CYP11A1: variants seen among roughly 807,000 people sequenced by gnomAD.
CYP11A1 encodes cytochrome P450 family 11 subfamily A member 1, also known as cholesterol side-chain cleavage enzyme, mitochondrial.
CYP11A1 carries 25 observed loss-of-function variants against 51.9 expected under a neutral mutation model. The ratio of observed to expected loss-of-function variants is 0.48; its 90% CI spans 0.35 to 0.67. CYP11A1 has a LOEUF of 0.67. CYP11A1 is among the 30% of genes least tolerant of loss of function. The pLI is 0.00. For missense variants in CYP11A1, 578 were observed against 680.9 expected (o/e 0.85, Z 1.68); for synonymous variants, 245 against 262.1 (o/e 0.93, Z 0.63).
chr15:74,364,781 A>G (rs958939819), intron 1 of CYP11A1, among the ~76,000 whole-genome samples: 57 of 152,192 alleles, frequency 3.7e-4, no homozygotes, highest in African/African-American at 1.3e-3. Context: ...CTAGAGATCT[A>G]TGTGAAGTGA....
intron 5 of CYP11A1, among the ~76,000 whole-genome samples, chr15:74,341,954 C>A (rs1164236739): frequency 2.6e-5 from 4 of 152,230 alleles, no homozygotes; most frequent in African/African-American, 4.8e-5. Flanking sequence ...TGACCTTGAA[C>A]TTCCAGCCTC....
At chr15:74,367,109 A>G in intron 1 of CYP11A1, 2 of 618,532 alleles carry the variant, frequency 3.2e-6, no homozygotes, top group Non-Finnish European at 5.6e-6. Flanking sequence ...GGTTTAGAGT[A>G]CTTAAGACAT....
At chr15:74,348,605 G>A (rs1326684044) in intron 1 of CYP11A1, among the ~76,000 whole-genome samples, 1 of 152,218 alleles carries the variant, frequency 6.6e-6, no homozygotes, top group African/African-American at 2.4e-5. Flanking sequence ...AAGAGTCAGA[G>A]GCCACCCAAC....
At chr15:74,362,253 T>C (rs568626142) in intron 1 of CYP11A1, 2 of 333,532 alleles carry the variant, frequency 6.0e-6, no homozygotes, top group Non-Finnish European at 1.1e-5. Context: ...TTATAACCAA[T>C]GCTTGATCCC....
At position 74,338,489 on chromosome 15, in the gene CYP11A1, C is replaced by T. The variant is rs185821614; in HGVS notation, c.1434+82G>A. 5.6e-3 allele frequency: 7,948 copies of T among 1,416,790 alleles called. 27 individuals carry two copies. Among genetic ancestry groups the T allele is most frequent in the Non-Finnish European group, 6.9e-3 (6,904 of 1,000,888 alleles). The allele number at this position is 1,416,790 out of a possible 1,614,324, so 87.8% of individuals were successfully genotyped here. ...AGCACTGACATCCTTGGGCTCTGGA[C>T]AGAGATAGGAGGAGGAAGATTGGTG... is the stretch of plus-strand genomic sequence containing the variant. On this transcript the variant is annotated intron_variant, in intron 8 of 8. Coordinates refer to ENST00000268053, the MANE Select transcript of CYP11A1 (RefSeq NM_000781.3).
rs528285449 is a variant in CYP11A1 at position 74,367,233 on chromosome 15, G to T, written c.269+84C>A. ...GGAGTTTGGAACCAGAGAACAGCCT[G>T]TTGGGGGAGTGGGGACTACAGCAGG... On this transcript the variant is annotated intron_variant, in intron 1 of 8. Transcript: ENST00000268053. 105 of 1,465,082 alleles carry T rather than the reference G, an allele frequency of 7.2e-5. No individual in the cohort carries two copies. In the South Asian group the frequency reaches 1.1e-3, roughly 15 times the overall value. 90.8% of individuals were successfully genotyped at this position (1,465,082 alleles called of 1,614,324 possible).
chr15:74,344,319 T>G (rs1486776364), intron 3 of CYP11A1, among the ~76,000 whole-genome samples: 1 of 152,112 alleles, frequency 6.6e-6, no homozygotes, highest in Non-Finnish European at 1.5e-5. Context: ...GAGAGATTCC[T>G]CATCTGTAAT....
chr15:74,357,173 T>G (rs935801810), intron 1 of CYP11A1, among the ~76,000 whole-genome samples: 1 of 152,168 alleles, frequency 6.6e-6, no homozygotes, highest in Non-Finnish European at 1.5e-5. Flanking sequence ...CTGTTCTGGA[T>G]CTCAAACATG....
chr15:74,338,585 T>C lies in CYP11A1; in HGVS notation c.1420A>G (p.Ile474Val), dbSNP rs1326008763. ...GCTTGACTCACATTGATGAGGAAGA[T>C]GGTCATCTCTAGCTCAGCGATCCGC... ...GRRIAELEMT[I>V]FLINMLENFR... The change falls in exon 8 of 9, where the codon ATC becomes GTC. Residue 474 changes from isoleucine to valine, a missense_variant. Coordinates refer to ENST00000268053, the MANE Select transcript of CYP11A1 (RefSeq NM_000781.3). 45 of 1,614,006 alleles carry C rather than the reference T, an allele frequency of 2.8e-5. No individual in the cohort carries two copies. Among genetic ancestry groups the C allele is most frequent in the Non-Finnish European group, 3.5e-5 (41 of 1,180,014 alleles).
intron 2 of CYP11A1, among the ~76,000 whole-genome samples, chr15:74,346,195 A>G (rs1199807431): frequency 1.3e-5 from 2 of 152,062 alleles, no homozygotes; most frequent in Non-Finnish European, 2.9e-5. Context: ...TCTACTGAAA[A>G]TACAAAAATT....
In CYP11A1 at chr15:74,365,855, C is replaced by T. The variant is rs2060729880; in HGVS notation, c.269+1462G>A. 3.0e-6 allele frequency: 3 copies of T among 985,646 alleles called. No individual in the cohort carries two copies. In the South Asian group the frequency reaches 1.4e-4, roughly 46 times the overall value. 61.1% of individuals were successfully genotyped at this position (985,646 alleles called of 1,614,324 possible). On this transcript the variant is annotated intron_variant, in intron 1 of 8. Coordinates refer to ENST00000268053, the MANE Select transcript of CYP11A1 (RefSeq NM_000781.3). ...AGAGAAACGCATACCGGGTCGCTCC[C>T]TGCTTCGCCGCCGCCTCCTGGCAGG...
intron 2 of CYP11A1, 76 bp downstream of exon 2, chr15:74,347,824 C>T: frequency 2.6e-6 from 4 of 1,542,482 alleles, no homozygotes; most frequent in Non-Finnish European, 3.6e-6. Context: ...GCCTCAGCCC[C>T]TCACCCCCAG....
intron 1 of CYP11A1, 67 bp downstream of exon 1, chr15:74,367,250 T>C: frequency 6.3e-7 from 1 of 1,579,382 alleles, no homozygotes; most frequent in Non-Finnish European, 8.7e-7. Context: ...GAGTGGGGAC[T>C]ACAGCAGGGC....
intron 1 of CYP11A1, among the ~76,000 whole-genome samples, chr15:74,365,083 C>G (rs2141247693): frequency 6.6e-6 from 1 of 152,180 alleles, no homozygotes; most frequent in African/African-American, 2.4e-5. Context: ...CGTGACTGAC[C>G]CATTGGAATG....
At position 74,339,752 on chromosome 15, in the gene CYP11A1, GTC is replaced by G; in HGVS notation, c.991-1_991del. On this transcript the variant is annotated splice_acceptor_variant and coding_sequence_variant, in exon 6 of 9. Coordinates refer to ENST00000268053, the MANE Select transcript of CYP11A1 (RefSeq NM_000781.3). LOFTEE classifies it high-confidence loss of function. ...CAAGTGCCACTGCAGGGTCATGGAC[GTC>G]TGGTGGGGAGTAGGGTATACAGAAG... The G allele has an allele frequency of 6.2e-7, 1 of 1,614,116 alleles. No individual in the cohort carries two copies. Among genetic ancestry groups the G allele is most frequent in the Non-Finnish European group, 8.5e-7 (1 of 1,180,030 alleles).
rs2060597553 is a variant in CYP11A1, at chr15:74,339,683, G to T, written c.1061C>A (p.Ala354Glu). 6.2e-7 allele frequency: 1 copy of T among 1,613,956 alleles called. No homozygotes were observed. The highest frequency in any genetic ancestry group is 1.3e-5 in the African/African-American group (1 of 74,884). Residue 354 changes from alanine (A) to glutamate (E), a missense_variant, in exon 6 of 9, where the codon GCA becomes GAA. Transcript: ENST00000268053. ...RNLKVQDMLR[A>E]EVLAARHQAQ... ...CTGGTGCCGCGCAGCCAAGACCTCT[G>T]CCCGCAGCATATCCTGCACCTTCAG...
intron 6 of CYP11A1, 110 bp from the exon 7 acceptor site, chr15:74,339,425 C>G: frequency 7.1e-7 from 1 of 1,410,694 alleles, no homozygotes; most frequent in Non-Finnish European, 1.0e-6. Flanking sequence ...CCTGGGGGGA[C>G]CTGGGGGTAG....
intron 6 of CYP11A1, 25 bp from the exon 7 acceptor site, chr15:74,339,340 C>T (rs112737388): frequency 6.8e-6 from 11 of 1,607,454 alleles, no homozygotes; most frequent in Non-Finnish European, 8.5e-6. Context: ...CACTCAGAAG[C>T]TGATGGCCCC....
intron 1 of CYP11A1, among the ~76,000 whole-genome samples, chr15:74,358,523 C>G (rs1385691488): frequency 6.6e-6 from 1 of 152,206 alleles, no homozygotes; most frequent in Non-Finnish European, 1.5e-5. Context: ...AGGGTTCCAT[C>G]TGCTAGTCTA....
Sources: gnomAD v4.1 joint callset for allele counts (sites outside exome capture counted in the v4.1 genomes callset) on GRCh38, gnomAD v4.1.1 for gene constraint, MANE v1.5 for transcripts, NCBI Gene and HGNC (gene_info 2026-07-23, HGNC 2026-07-21) for gene names.